The following SPOPL variants were observed in gnomAD, a reference collection of about 807,000 sequenced individuals.
SPOPL encodes speckle-type POZ protein-like.
Under a neutral mutation model 53.8 loss-of-function variants are expected in SPOPL, and 23 were observed. That is an observed-to-expected ratio of 0.43 (90% confidence interval 0.31 to 0.61). The LOEUF (loss-of-function observed/expected upper bound fraction) is 0.61, where lower values mean the gene tolerates loss of function less well. Among genes scored for constraint, SPOPL ranks in the 20% least tolerant of loss-of-function variants. The pLI is 0.12. For missense variants in SPOPL, 442 were observed against 466.9 expected (o/e 0.95, Z 0.49); for synonymous variants, 164 against 149.7 (o/e 1.10, Z -0.70).
rs987297748 is a variant in SPOPL at position 138,532,254 on chromosome 2, C to T, written c.-60-17903C>T. On this transcript the variant is annotated intron_variant, in intron 1 of 10. Transcript: ENST00000280098. The stretch of plus-strand genomic sequence containing the variant: ...GGATATCCTGTTTTATCTCCAGCGC[C>T]GTAAGGCCAACAGAATCTTTGCTGA... Among the ~76,000 whole-genome samples the T allele has an allele frequency of 6.6e-5, 10 of 152,234 alleles. No homozygotes were observed. In the East Asian group the frequency reaches 1.2e-3, roughly 18 times the overall value.
chr2:138,537,254 C>T (rs532300577), intron 1 of SPOPL, among the ~76,000 whole-genome samples: 4 of 152,228 alleles, frequency 2.6e-5, no homozygotes, highest in African/African-American at 7.2e-5. Context: ...CTCAAACAAC[C>T]GAGCTCCCTG....
chr2:138,531,385 C>A (rs1684806581), intron 1 of SPOPL, among the ~76,000 whole-genome samples: 1 of 152,030 alleles, frequency 6.6e-6, no homozygotes, highest in African/African-American at 2.4e-5. Context: ...ACTTTTTACT[C>A]CATTTATCCC....
At chr2:138,518,463 C>T (rs1684492486) in intron 1 of SPOPL, among the ~76,000 whole-genome samples, 1 of 151,958 alleles carries the variant, frequency 6.6e-6, no homozygotes, top group African/African-American at 2.4e-5. Flanking sequence ...AAATTAAGGG[C>T]CAGAAAAGGA....
At chr2:138,545,061 T>G (rs1685162029) in intron 1 of SPOPL, among the ~76,000 whole-genome samples, 1 of 152,174 alleles carries the variant, frequency 6.6e-6, no homozygotes, top group Admixed American at 6.5e-5. Context: ...ACTAATACAT[T>G]TGCCTCTTAA....
At chr2:138,565,143 T>G in intron 10 of SPOPL, 150 bp downstream of exon 10, 2 of 964,374 alleles carry the variant, frequency 2.1e-6, no homozygotes, top group Non-Finnish European at 3.1e-6. Context: ...GACTACTTAG[T>G]GGATTCCTGA....
intron 1 of SPOPL, among the ~76,000 whole-genome samples, chr2:138,537,388 C>T (rs545501016): frequency 4.6e-5 from 7 of 152,158 alleles, no homozygotes; most frequent in Middle Eastern, 3.4e-3. Context: ...GTAATCAGAA[C>T]GGAACAGAAC....
At chr2:138,556,406 A>G (rs1685424704) in intron 5 of SPOPL, among the ~76,000 whole-genome samples, 1 of 152,228 alleles carries the variant, frequency 6.6e-6, no homozygotes, top group Non-Finnish European at 1.5e-5. Context: ...GAAATTAAAT[A>G]CATCATCACA....
At chr2:138,519,047 A>G (rs975714961) in intron 1 of SPOPL, among the ~76,000 whole-genome samples, 8 of 152,184 alleles carry the variant, frequency 5.3e-5, no homozygotes, top group African/African-American at 1.9e-4. Flanking sequence ...TATTATTCCC[A>G]TATTATAGAC....
Position 138,564,742 on chromosome 2 carries a change from A to C in SPOPL, c.872A>C (p.Glu291Ala), listed in dbSNP as rs768225882. The C allele has an allele frequency of 4.9e-5, 79 of 1,614,192 alleles. 1 individual carries two copies. In the South Asian group the frequency reaches 8.6e-4, roughly 17 times the overall value. Residue 291 changes from glutamate (E) to alanine (A), a missense_variant, in exon 9 of 11, where the codon GAA becomes GCA. By Grantham distance (107) the Glu-to-Ala change is moderately radical. Transcript: ENST00000280098. The part of the protein sequence containing the change: ...ALERLKVMCE[E>A]ALCSNLSVEN... ...GAACGGCTGAAGGTCATGTGCGAAG[A>C]AGCTTTGTGTAGTAACCTCTCAGTA...
Position 138,515,028 on chromosome 2 carries a change from A to G in SPOPL, c.-61+12909A>G, listed in dbSNP as rs550362868. ...GGGAACGTGGAACAGACACCTGTAT[A>G]TTTTCATAAAACCTATCAGATGATT... On this transcript the variant is annotated intron_variant, in intron 1 of 10. Transcript: ENST00000280098. Among the ~76,000 whole-genome samples the G allele has an allele frequency of 5.1e-4, 78 of 152,276 alleles. 1 individual carries two copies. Among genetic ancestry groups the G allele is most frequent in the Admixed American group, 1.0e-3 (16 of 15,306 alleles).
At chr2:138,522,293 A>T (rs532630975) in intron 1 of SPOPL, among the ~76,000 whole-genome samples, 2 of 152,284 alleles carry the variant, frequency 1.3e-5, no homozygotes, top group South Asian at 2.1e-4. Context: ...ATGTAATTCA[A>T]CCTGATACAA....
At chr2:138,502,409 C>T (rs1684122724) in intron 1 of SPOPL, among the ~76,000 whole-genome samples, 2 of 152,232 alleles carry the variant, frequency 1.3e-5, no homozygotes, top group Admixed American at 6.5e-5. Context: ...AGTTTTACCC[C>T]CGGGCCTCGC....
intron 1 of SPOPL, among the ~76,000 whole-genome samples, chr2:138,521,720 A>C (rs1684562732): frequency 6.6e-6 from 1 of 152,146 alleles, no homozygotes; most frequent in Admixed American, 6.5e-5. Flanking sequence ...TACCCTTGTA[A>C]ACTTTTCATG....
intron 8 of SPOPL, 105 bp from the exon 9 acceptor site, chr2:138,564,603 A>T: frequency 4.8e-6 from 6 of 1,238,236 alleles, no homozygotes; most frequent in Non-Finnish European, 6.6e-6. Context: ...AAATAATCTT[A>T]AATAATAATC....
intron 1 of SPOPL, among the ~76,000 whole-genome samples, chr2:138,539,688 C>A (rs1360939676): frequency 6.6e-6 from 1 of 152,118 alleles, no homozygotes; most frequent in South Asian, 2.1e-4. Flanking sequence ...CATTTTCTCC[C>A]ATTCTGTAGG....
chr2:138,514,372 A>G (rs1164160642), intron 1 of SPOPL, among the ~76,000 whole-genome samples: 1 of 152,180 alleles, frequency 6.6e-6, no homozygotes, highest in East Asian at 1.9e-4. Flanking sequence ...CAATCAGATA[A>G]TGCATTTAGC....
chr2:138,537,464 C>A (rs141025397), intron 1 of SPOPL, among the ~76,000 whole-genome samples: 1,650 of 152,262 alleles, frequency 0.011, 33 homozygotes, highest in African/African-American at 0.037. Context: ...ACAAGCAGTT[C>A]AGTCATGGGT....
intron 1 of SPOPL, among the ~76,000 whole-genome samples, chr2:138,533,741 C>T (rs1359396787): frequency 1.3e-5 from 2 of 151,970 alleles, no homozygotes; most frequent in Admixed American, 6.6e-5. Context: ...TGACCTCAGG[C>T]AGTATTTTGT....
chr2:138,524,026 G>T (rs1684615585), intron 1 of SPOPL, among the ~76,000 whole-genome samples: 1 of 152,156 alleles, frequency 6.6e-6, no homozygotes, highest in Non-Finnish European at 1.5e-5. Context: ...CTTCCTCACT[G>T]CCCTAGCAGA....
Sources: gnomAD v4.1 joint callset for allele counts (sites outside exome capture counted in the v4.1 genomes callset) on GRCh38, gnomAD v4.1.1 for gene constraint, MANE v1.5 for transcripts, NCBI Gene and HGNC (gene_info 2026-07-23, HGNC 2026-07-21) for gene names.